Variants in BANP observed in about 807,000 individuals in gnomAD.
BANP encodes the protein protein BANP.
In BANP, 11 loss-of-function variants were observed where a neutral mutation model predicts 68.1. The ratio of observed to expected loss-of-function variants is 0.16; its 90% CI spans 0.10 to 0.27. BANP has a LOEUF of 0.27. Ranked by LOEUF, BANP falls within the 10% of genes least tolerant of loss-of-function variation. The pLI is 1.00. For synonymous variants in BANP, 329 were observed against 303.2 expected (o/e 1.09, Z -0.88); for missense variants, 504 against 722.7 (o/e 0.70, Z 3.47).
At chr16:87,991,828 G>T (rs2065954517) in intron 4 of BANP, among the ~76,000 whole-genome samples, 2 of 152,052 alleles carry the variant, frequency 1.3e-5, no homozygotes, top group African/African-American at 4.8e-5. Context: ...CCTTTAAATA[G>T]AATTTTGCTT....
intron 6 of BANP, among the ~76,000 whole-genome samples, chr16:88,015,438 C>T (rs1474834116): frequency 2.6e-5 from 4 of 152,242 alleles, no homozygotes; most frequent in African/African-American, 9.6e-5. Flanking sequence ...TGGTTCTCCA[C>T]CCTCTCCTGT....
chr16:87,981,171 T>C, intron 3 of BANP, 44 bp downstream of exon 3: 1 of 1,367,304 alleles, frequency 7.3e-7, no homozygotes, highest in South Asian at 1.2e-5. Flanking sequence ...GCGTTGCAGA[T>C]TTCAAGGGCT....
rs1469639111 is a variant in BANP, at chr16:87,957,750, C to T, written c.-69+6235C>T. Among the ~76,000 whole-genome samples the T allele has an allele frequency of 2.6e-5, 4 of 152,248 alleles. No homozygotes were observed. Among genetic ancestry groups the T allele is most frequent in the Non-Finnish European group, 5.9e-5 (4 of 68,044 alleles). The stretch of plus-strand genomic sequence containing the variant: ...GCATTTCCTTGCCGGTGTGAATGCG[C>T]TTCCCGTAAATATGGCAGAACGCCT... On this transcript the variant is annotated intron_variant, in intron 1 of 13. Transcript: ENST00000682872. The surrounding 1 kb of genome is among the most constrained non-coding windows in gnomAD (Gnocchi z 4.3).
intron 1 of BANP, among the ~76,000 whole-genome samples, chr16:87,973,756 A>C (rs2061532868): frequency 1.6e-5 from 1 of 64,500 alleles, no homozygotes; most frequent in Non-Finnish European, 4.9e-5. Context: ...TCCATCACAA[A>C]AAAAAAAAAA....
At chr16:88,009,482 G>A (rs2072348687) in intron 6 of BANP, among the ~76,000 whole-genome samples, 1 of 152,172 alleles carries the variant, frequency 6.6e-6, no homozygotes, top group African/African-American at 2.4e-5. Context: ...ATCAAATTTG[G>A]AGTCAGTTTA....
rs372273341 is a variant in BANP at position 88,006,243 on chromosome 16, G to A, written c.633G>A (p.Thr211=). 7.5e-6 allele frequency: 12 copies of A among 1,608,656 alleles called. No individual in the cohort carries two copies. The highest frequency in any genetic ancestry group is 6.7e-5 in the East Asian group (3 of 44,732). ...AGSQSIGSNV[T]LITLNSEEDY... ...GTCAGAGCATCGGGAGCAACGTCAC[G>A]CTCATCACCCTGAACTCGGAAGGTG... Residue 211 remains threonine, a synonymous_variant, in exon 6 of 14, where the codon ACG becomes ACA. Coordinates refer to ENST00000682872, the MANE Select transcript of BANP (RefSeq NM_001386991.1).
intron 4 of BANP, among the ~76,000 whole-genome samples, chr16:87,993,961 G>T (rs1405128264): frequency 6.6e-6 from 1 of 151,808 alleles, no homozygotes; most frequent in Non-Finnish European, 1.5e-5. Flanking sequence ...GTGAGTGCTT[G>T]TCCCAGCCTA....
At chr16:88,007,535 C>T (rs1162101151) in intron 6 of BANP, among the ~76,000 whole-genome samples, 1 of 152,258 alleles carries the variant, frequency 6.6e-6, no homozygotes, top group African/African-American at 2.4e-5. Context: ...GACCAGATGA[C>T]TGTCAGTGAC....
At chr16:88,009,367 TTATTTAAG>T (rs1264088643) in intron 6 of BANP, among the ~76,000 whole-genome samples, 2 of 152,248 alleles carry the variant, frequency 1.3e-5, no homozygotes, top group African/African-American at 2.4e-5. Flanking sequence ...TCTTAGCTTC[TTATTTAAG>T]TATTTAAGTG....
At position 88,004,672 on chromosome 16, in the gene BANP, G is replaced by T. The variant is rs951709041; in HGVS notation, c.479+261G>T. ...CGTGCTGGCCGGGGTTGTGGAGGGG[G>T]CTGGCTCTGTCTCCTCACAGCAGTC... On this transcript the variant is annotated intron_variant, in intron 5 of 13. Transcript: ENST00000682872. The surrounding 1 kb of genome is among the most constrained non-coding windows in gnomAD (Gnocchi z 7.0). Among the ~76,000 whole-genome samples, 1 of 152,164 alleles carries T rather than the reference G, an allele frequency of 6.6e-6. No individual in the cohort carries two copies. Among genetic ancestry groups the T allele is most frequent in the Non-Finnish European group, 1.5e-5 (1 of 68,020 alleles).
rs564909215 is a variant in BANP, at chr16:87,957,748, C to T, written c.-69+6233C>T. The stretch of plus-strand genomic sequence containing the variant: ...TGGCATTTCCTTGCCGGTGTGAATG[C>T]GCTTCCCGTAAATATGGCAGAACGC... On this transcript the variant is annotated intron_variant, in intron 1 of 13. Coordinates refer to ENST00000682872, the MANE Select transcript of BANP (RefSeq NM_001386991.1). This position sits in a 1 kb window ranked among gnomAD's most constrained non-coding sequence, Gnocchi z 4.3. Among the ~76,000 whole-genome samples the T allele has an allele frequency of 7.2e-5, 11 of 152,346 alleles. No homozygotes were observed. In the South Asian group the frequency reaches 1.7e-3, roughly 23 times the overall value.
At chr16:87,954,471 C>T (rs2057638033) in intron 1 of BANP, among the ~76,000 whole-genome samples, 1 of 152,182 alleles carries the variant, frequency 6.6e-6, no homozygotes, top group Admixed American at 6.5e-5. Flanking sequence ...AGGAAGCTGG[C>T]GGAGAGCCCC....
At chr16:88,038,424 A>G (rs2152766549) in intron 11 of BANP, among the ~76,000 whole-genome samples, 1 of 152,326 alleles carries the variant, frequency 6.6e-6, no homozygotes, top group African/African-American at 2.4e-5. Flanking sequence ...GCTGCTCCGT[A>G]GGATTTCAGC....
At position 88,049,056 on chromosome 16, in the gene BANP, G is replaced by T. The variant is rs73250808; in HGVS notation, c.1311+11045G>T. ...AAAGACTGCTGGGACCAAACGTGGG[G>T]TTTTTTCTGGACACAGCAAGCAGTG... On this transcript the variant is annotated intron_variant, in intron 11 of 13. Transcript: ENST00000682872. 8.4e-3 allele frequency among the ~76,000 whole-genome samples: 1,283 copies of T among 152,196 alleles called. 21 individuals are homozygous for T. Among genetic ancestry groups the T allele is most frequent in the African/African-American group, 0.029 (1,205 of 41,518 alleles).
At chr16:87,988,661 G>A (rs959552289) in intron 4 of BANP, among the ~76,000 whole-genome samples, 1 of 152,266 alleles carries the variant, frequency 6.6e-6, no homozygotes, top group East Asian at 1.9e-4. Flanking sequence ...GGGTTCCCAG[G>A]GCTCACTCCT....
At position 88,072,126 on chromosome 16, in the gene BANP, G is replaced by A. The variant is rs139148209; in HGVS notation, c.1435G>A (p.Val479Met). ...CTCCTCGGACCCCGCGGCGGCGGGC[G>A]TGGATGGGTCGCCACTCCAGGGCAG... ...VASSDPAAAGVDGSPLQGSDI... is the reference protein window; with the variant it reads ...VASSDPAAAGMDGSPLQGSDI... Residue 479 changes from valine (V) to methionine (M), a missense_variant, in exon 13 of 14, where the codon GTG (valine) becomes ATG (methionine). By Grantham distance (21) the Val-to-Met change is conservative (BLOSUM62 1). Transcript: ENST00000682872. 3.9e-4 allele frequency: 625 copies of A among 1,609,236 alleles called. No individual in the cohort carries two copies. Among genetic ancestry groups the A allele is most frequent in the Middle Eastern group, 2.5e-3 (15 of 5,966 alleles).
At chr16:88,054,256 T>A (rs1328402199) in intron 11 of BANP, among the ~76,000 whole-genome samples, 1 of 78,912 alleles carries the variant, frequency 1.3e-5, no homozygotes, top group South Asian at 3.6e-4. Context: ...CACAGTCACC[T>A]TCACCACCAC....
intron 6 of BANP, among the ~76,000 whole-genome samples, chr16:88,014,492 T>C (rs1004883409): frequency 9.9e-5 from 15 of 152,046 alleles, no homozygotes; most frequent in Non-Finnish European, 1.5e-4. Flanking sequence ...AGTGACACTT[T>C]GACATGATTT....
At chr16:88,058,671 C>T (rs976014214) in intron 11 of BANP, among the ~76,000 whole-genome samples, 1 of 152,006 alleles carries the variant, frequency 6.6e-6, no homozygotes, top group South Asian at 2.1e-4. Flanking sequence ...TGTCCTGCCC[C>T]GGGGTTTGTA....
Sources: gnomAD v4.1 joint callset for allele counts (sites outside exome capture counted in the v4.1 genomes callset) on GRCh38, gnomAD v4.1.1 for gene constraint, Gnocchi (gnomAD v3.1) non-coding constraint, MANE v1.5 for transcripts, NCBI Gene and HGNC (gene_info 2026-07-23, HGNC 2026-07-21) for gene names.